TSHZ2: variants seen among roughly 807,000 people sequenced by gnomAD.
TSHZ2 encodes teashirt zinc finger homeobox 2, also known as teashirt homolog 2.
TSHZ2 carries 21 observed loss-of-function variants against 74.4 expected under a neutral mutation model. The observed-to-expected ratio is 0.28, with a 90% confidence interval of 0.20 to 0.41. The LOEUF is 0.41. TSHZ2 is among the 10% of genes least tolerant of loss of function. TSHZ2 has a pLI of 1.00. For missense variants in TSHZ2, 1,244 were observed against 1,293.5 expected, an observed-to-expected ratio of 0.96 and a Z score of 0.59; for synonymous variants, 540 against 515.3, an observed-to-expected ratio of 1.05 and a Z score of -0.65.
At chr20:53,184,888 A>G (rs1988564334) in intron 1 of TSHZ2, among the ~76,000 whole-genome samples, 1 of 152,056 alleles carries the variant, frequency 6.6e-6, no homozygotes, top group Non-Finnish European at 1.5e-5. Flanking sequence ...TTATATTTTT[A>G]GTATAGATGG....
chr20:53,032,181 C>T (rs954039097), intron 1 of TSHZ2, among the ~76,000 whole-genome samples: 36 of 152,190 alleles, frequency 2.4e-4, no homozygotes, highest in Middle Eastern at 3.2e-3. Context: ...TAAAGTCCAA[C>T]GAACGTCAGA....
chr20:53,201,536 G>A (rs900463029), intron 1 of TSHZ2, among the ~76,000 whole-genome samples: 1 of 152,144 alleles, frequency 6.6e-6, no homozygotes, highest in Non-Finnish European at 1.5e-5. Context: ...GGAAAATCCA[G>A]GATAATCTCT....
At chr20:53,140,260 G>T (rs1987354573) in intron 1 of TSHZ2, among the ~76,000 whole-genome samples, 1 of 151,982 alleles carries the variant, frequency 6.6e-6, no homozygotes, top group Non-Finnish European at 1.5e-5. Context: ...AGATAGAGGG[G>T]CCAGGCACGG....
chr20:53,170,198 T>C (rs1183252290), intron 1 of TSHZ2, among the ~76,000 whole-genome samples: 1 of 152,250 alleles, frequency 6.6e-6, no homozygotes, highest in Non-Finnish European at 1.5e-5. Context: ...ACTGCTTTTC[T>C]AGGGCTATGC....
Position 53,253,477 on chromosome 20 carries a change from A to T in TSHZ2, c.41-22A>T, listed in dbSNP as rs755873108. 7 of 1,572,532 alleles carry T rather than the reference A, an allele frequency of 4.5e-6. No individual in the cohort carries two copies. In the Admixed American group the frequency reaches 1.3e-4, roughly 29 times the overall value. On this transcript the variant is annotated intron_variant, in intron 1 of 2. Coordinates refer to ENST00000371497, the MANE Select transcript of TSHZ2 (RefSeq NM_173485.6). ...ATATGGAGCCTGTTACTGTCGTTTC[A>T]TCTCTTCTTCTTCTCTTGCAGGCTA...
intron 2 of TSHZ2, among the ~76,000 whole-genome samples, chr20:53,467,969 A>C (rs1985611503): frequency 6.6e-6 from 1 of 152,186 alleles, no homozygotes; most frequent in African/African-American, 2.4e-5. Context: ...CCGTGATAGA[A>C]CCAAATATTT....
At chr20:53,102,241 T>G (rs1484225531) in intron 1 of TSHZ2, among the ~76,000 whole-genome samples, 1 of 152,132 alleles carries the variant, frequency 6.6e-6, no homozygotes, top group Admixed American at 6.5e-5. Context: ...TGAGGCCTTC[T>G]CTGCACATGC....
In TSHZ2 at chr20:53,178,135, T is replaced by C. The variant is rs532190293; in HGVS notation, c.41-75364T>C. Reference sequence around the variant, plus strand: ...ATAATTTCCATAAATTAACCTCTTTTACCTTCCATTTCTGCGCTACCCTGC... The same window carrying C: ...ATAATTTCCATAAATTAACCTCTTTCACCTTCCATTTCTGCGCTACCCTGC... On this transcript the variant is annotated intron_variant, in intron 1 of 2. Coordinates refer to ENST00000371497, the MANE Select transcript of TSHZ2 (RefSeq NM_173485.6). 5 of 152,364 alleles carry C rather than the reference T, an allele frequency of 3.3e-5. No homozygotes were observed. In the South Asian group the frequency reaches 8.3e-4, roughly 25 times the overall value. 9.4% of individuals were successfully genotyped at this position (152,364 alleles called of 1,614,324 possible).
intron 1 of TSHZ2, among the ~76,000 whole-genome samples, chr20:53,239,212 T>G (rs1990010223): frequency 6.6e-6 from 1 of 152,098 alleles, no homozygotes; most frequent in South Asian, 2.1e-4. Context: ...TTAACGAATG[T>G]CCCCAGGAGC....
chr20:53,017,500 G>A (rs573262627), intron 1 of TSHZ2, among the ~76,000 whole-genome samples: 2 of 152,212 alleles, frequency 1.3e-5, no homozygotes, highest in African/African-American at 4.8e-5. Flanking sequence ...ATAACTCGTG[G>A]CAAAATCATG....
At chr20:53,126,388 T>C (rs1241541902) in intron 1 of TSHZ2, among the ~76,000 whole-genome samples, 1 of 152,096 alleles carries the variant, frequency 6.6e-6, no homozygotes, top group Non-Finnish European at 1.5e-5. Context: ...CGAGAGGTAA[T>C]AGAAACATGA....
intron 2 of TSHZ2, among the ~76,000 whole-genome samples, chr20:53,429,575 T>C (rs1401194307): frequency 1.3e-5 from 2 of 152,224 alleles, no homozygotes; most frequent in Non-Finnish European, 2.9e-5. Context: ...TTGTGAGGCC[T>C]CCTCAGCCAA....
In TSHZ2 at chr20:53,038,351, T is replaced by C. The variant is rs1983904262; in HGVS notation, c.40+65018T>C. 2.6e-5 allele frequency among the ~76,000 whole-genome samples: 4 copies of C among 151,958 alleles called. No homozygotes were observed. In the South Asian group the frequency reaches 8.4e-4, roughly 32 times the overall value. On this transcript the variant is annotated intron_variant, in intron 1 of 2. Coordinates refer to ENST00000371497, the MANE Select transcript of TSHZ2 (RefSeq NM_173485.6). The stretch of plus-strand genomic sequence containing the variant: ...AGAAGCAGAAGCTTACTATCCCAGC[T>C]AACTTGGGCCTTACAGGAAGATTGG...
intron 2 of TSHZ2, among the ~76,000 whole-genome samples, chr20:53,283,051 C>A (rs1376753590): frequency 2.0e-5 from 3 of 152,206 alleles, no homozygotes; most frequent in Non-Finnish European, 2.9e-5. Flanking sequence ...GCCCTGAAGA[C>A]ACAAACTTTT....
intron 2 of TSHZ2, among the ~76,000 whole-genome samples, chr20:53,276,264 A>C (rs1266186436): frequency 6.8e-6 from 1 of 147,402 alleles, no homozygotes. Context: ...TTTTGGAACC[A>C]CTTTTTTAGG....
At chr20:53,060,465 CA>C (rs1182774240) in intron 1 of TSHZ2, among the ~76,000 whole-genome samples, 2 of 152,172 alleles carry the variant, frequency 1.3e-5, no homozygotes, top group East Asian at 3.9e-4. Flanking sequence ...TGAGTCTTCC[CA>C]ATTTCCCTGC....
At chr20:53,137,805 T>C (rs1987285043) in intron 1 of TSHZ2, among the ~76,000 whole-genome samples, 1 of 152,164 alleles carries the variant, frequency 6.6e-6, no homozygotes, top group African/African-American at 2.4e-5. Flanking sequence ...ATACTACAGA[T>C]CCCAGGGCTC....
intron 2 of TSHZ2, among the ~76,000 whole-genome samples, chr20:53,485,074 G>A (rs1255886185): frequency 6.6e-6 from 1 of 152,168 alleles, no homozygotes; most frequent in Non-Finnish European, 1.5e-5. Flanking sequence ...CCAGAGCAAA[G>A]TTCTTGGAAA....
intron 2 of TSHZ2, among the ~76,000 whole-genome samples, chr20:53,340,930 A>T (rs1980173310): frequency 6.6e-6 from 1 of 152,150 alleles, no homozygotes; most frequent in Non-Finnish European, 1.5e-5. Flanking sequence ...ATCTGAAAAA[A>T]ATTGAGCGCA....
Sources: gnomAD v4.1 joint callset for allele counts (sites outside exome capture counted in the v4.1 genomes callset) on GRCh38, gnomAD v4.1.1 for gene constraint, MANE v1.5 for transcripts, NCBI Gene and HGNC (gene_info 2026-07-23, HGNC 2026-07-21) for gene names.